ZBTB5: variants seen among roughly 807,000 people sequenced by gnomAD.
ZBTB5 encodes zinc finger and BTB domain containing 5.
ZBTB5 carries 15 observed loss-of-function variants against 37.9 expected under a neutral mutation model. The ratio of observed to expected loss-of-function variants is 0.40; its 90% CI spans 0.26 to 0.61. ZBTB5 has a LOEUF of 0.61. Ranked by LOEUF, ZBTB5 falls within the 20% of genes least tolerant of loss-of-function variation. The pLI is 0.47. For synonymous variants in ZBTB5, 315 were observed against 312.4 expected (o/e 1.01, Z -0.09); for missense variants, 708 against 856.8 (o/e 0.83, Z 2.17).
chr9:37,456,139 G>A (rs1042006974), intron 1 of ZBTB5, among the ~76,000 whole-genome samples: 9 of 151,584 alleles, frequency 5.9e-5, no homozygotes, highest in Non-Finnish European at 1.2e-4. Flanking sequence ...TTTGTAGATA[G>A]GGGGTTTTGC....
At chr9:37,448,727 A>G (rs1171176075) in intron 1 of ZBTB5, among the ~76,000 whole-genome samples, 1 of 152,228 alleles carries the variant, frequency 6.6e-6, no homozygotes, top group Non-Finnish European at 1.5e-5. Context: ...ATTTAAAACT[A>G]TTTGTCAACT....
chr9:37,451,944 A>G (rs1824112348), intron 1 of ZBTB5, among the ~76,000 whole-genome samples: 1 of 152,230 alleles, frequency 6.6e-6, no homozygotes, highest in Non-Finnish European at 1.5e-5. Context: ...GAGGTTCACA[A>G]TAGTGATGTT....
intron 1 of ZBTB5, among the ~76,000 whole-genome samples, chr9:37,444,356 A>G (rs889866169): frequency 1.4e-4 from 21 of 151,850 alleles, no homozygotes; most frequent in Non-Finnish European, 2.6e-4. Flanking sequence ...ACGCCACCAC[A>G]CCCGGCTAAT....
chr9:37,448,750 G>GT (rs770720413), intron 1 of ZBTB5, among the ~76,000 whole-genome samples: 1 of 152,210 alleles, frequency 6.6e-6, no homozygotes, highest in Non-Finnish European at 1.5e-5. Context: ...TTTAAAAATA[G>GT]TAATAAACGA....
At position 37,440,336 on chromosome 9, in the gene ZBTB5, C is replaced by T. The variant is rs143603489; in HGVS notation, c.*182G>A. The T allele has an allele frequency of 1.5e-5, 9 of 594,554 alleles. No individual in the cohort carries two copies. The highest frequency in any genetic ancestry group is 2.2e-5 in the South Asian group (1 of 45,530). The allele number at this position is 594,554 out of a possible 1,614,324, so 36.8% of individuals were successfully genotyped here. On this transcript the variant is annotated 3_prime_UTR_variant, in exon 2 of 2. Coordinates refer to ENST00000307750, the MANE Select transcript of ZBTB5 (RefSeq NM_014872.3). ...CAGGGATTGCATCCCTTTCCCAAGA[C>T]GTGCACTTCACTCAGAAATGCAGCA... is the stretch of plus-strand genomic sequence containing the variant.
In ZBTB5 at chr9:37,440,855, C is replaced by T. The variant is rs761785713; in HGVS notation, c.1697G>A (p.Gly566Glu). 14 of 1,614,074 alleles carry T rather than the reference C, an allele frequency of 8.7e-6. No individual in the cohort carries two copies. Among genetic ancestry groups the T allele is most frequent in the Admixed American group, 6.7e-5 (4 of 59,986 alleles). ...NSTSSQLMMN[G>E]ATSSFENGHP... ...GCCATTTTCAAATGAGGACGTAGCT[C>T]CATTCATCATTAGCTGAGAACTGGT... The change falls in exon 2 of 2, where the codon GGA becomes GAA. Residue 566 changes from glycine to glutamate, a missense_variant. Physicochemically the swap from Gly to Glu is moderately conservative, Grantham distance 98. Around this residue, in one of 3 missense-constraint regions of ZBTB5, gnomAD observed 639 missense variants for 690.5 expected, o/e 0.93. Transcript: ENST00000307750.
intron 1 of ZBTB5, among the ~76,000 whole-genome samples, chr9:37,460,088 C>T (rs1048447709): frequency 6.9e-6 from 1 of 145,486 alleles, no homozygotes; most frequent in Non-Finnish European, 1.5e-5. Flanking sequence ...TTGTGATCTG[C>T]CTACCTCAGC....
intron 1 of ZBTB5, among the ~76,000 whole-genome samples, chr9:37,450,294 C>T (rs954489134): frequency 4.6e-5 from 7 of 151,958 alleles, no homozygotes; most frequent in Non-Finnish European, 8.8e-5. Context: ...GTATTTACCC[C>T]AGACAACGAA....
Position 37,441,021 on chromosome 9 carries a change from A to T in ZBTB5, c.1531T>A (p.Leu511Met). ...CTGGAGAAGGAGGAGTGGAGGCCCA[A>T]ACCAGACCTGGAAAAGTCCATCCCA... is the stretch of plus-strand genomic sequence containing the variant. ...QFGMDFSRSGLGLHSSFSRVM... is the reference protein window; with the variant it reads ...QFGMDFSRSGMGLHSSFSRVM... Residue 511 changes from leucine (L) to methionine (M), a missense_variant, in exon 2 of 2, where the codon TTG becomes ATG. By Grantham distance (15) the Leu-to-Met change is conservative. Transcript: ENST00000307750. 6.2e-7 allele frequency: 1 copy of T among 1,614,180 alleles called. No individual in the cohort carries two copies. Among genetic ancestry groups the T allele is most frequent in the East Asian group, 2.2e-5 (1 of 44,880 alleles).
At chr9:37,449,000 C>T (rs150084460) in intron 1 of ZBTB5, among the ~76,000 whole-genome samples, 2,546 of 152,014 alleles carry the variant, frequency 0.017, 63 homozygotes, top group African/African-American at 0.059. Flanking sequence ...GCCAAGATCA[C>T]GCCACTGTAC....
At chr9:37,450,395 C>G (rs73646386) in intron 1 of ZBTB5, among the ~76,000 whole-genome samples, 1 of 151,772 alleles carries the variant, frequency 6.6e-6, no homozygotes, top group African/African-American at 2.4e-5. Flanking sequence ...GGGGCCCATA[C>G]AGGTCACTGG....
intron 1 of ZBTB5, among the ~76,000 whole-genome samples, chr9:37,452,053 C>T (rs1168872834): frequency 6.6e-6 from 1 of 152,158 alleles, no homozygotes; most frequent in Admixed American, 6.5e-5. Flanking sequence ...AACTTGGTGG[C>T]TGGTGGCCTT....
intron 1 of ZBTB5, among the ~76,000 whole-genome samples, chr9:37,452,382 T>C (rs926337192): frequency 1.3e-5 from 2 of 152,232 alleles, no homozygotes; most frequent in Non-Finnish European, 2.9e-5. Flanking sequence ...TCATTTTTGA[T>C]ATATGTTTTG....
intron 1 of ZBTB5, among the ~76,000 whole-genome samples, chr9:37,460,435 C>A (rs74667378): frequency 3.3e-5 from 5 of 150,344 alleles, no homozygotes; most frequent in East Asian, 2.0e-4. Context: ...AGTGAACACT[C>A]CCCCCCCAAA....
intron 1 of ZBTB5, among the ~76,000 whole-genome samples, chr9:37,457,461 C>T (rs758851140): frequency 5.9e-5 from 9 of 152,192 alleles, no homozygotes; most frequent in Non-Finnish European, 1.3e-4. Flanking sequence ...AACTCCTGGG[C>T]TCAGGTATTC....
intron 1 of ZBTB5, among the ~76,000 whole-genome samples, chr9:37,446,424 G>A (rs1382129791): frequency 1.3e-5 from 2 of 152,204 alleles, no homozygotes; most frequent in Non-Finnish European, 2.9e-5. Context: ...ATGCTATTCA[G>A]CTATACTTGG....
At chr9:37,460,351 G>A (rs965688812) in intron 1 of ZBTB5, among the ~76,000 whole-genome samples, 3 of 151,730 alleles carry the variant, frequency 2.0e-5, no homozygotes, top group South Asian at 4.2e-4. Context: ...CAGGAGAATC[G>A]CTTGAACCCG....
Position 37,439,067 on chromosome 9 carries a change from T to TAAGAA in ZBTB5, c.*1446_*1450dup, listed in dbSNP as rs1344717702. 1 of 152,196 alleles carries TAAGAA rather than the reference T, an allele frequency of 6.6e-6. No homozygotes were observed. Among genetic ancestry groups the TAAGAA allele is most frequent in the African/African-American group, 2.4e-5 (1 of 41,460 alleles). 9.4% of individuals were successfully genotyped at this position (152,196 alleles called of 1,614,324 possible). ...TTTATGAATGATGGTTTGGTATGTC[T>TAAGAA]AAGAAAGCTATATAAAACATAAAAT... On this transcript the variant is annotated 3_prime_UTR_variant, in exon 2 of 2. Coordinates refer to ENST00000307750, the MANE Select transcript of ZBTB5 (RefSeq NM_014872.3).
Position 37,439,825 on chromosome 9 carries a change from C to T in ZBTB5, c.*693G>A, listed in dbSNP as rs926011380. Reference sequence around the variant, plus strand: ...TGTCACTCTCTACAAGTACACACTCCATTTACAATTTGGTTTTTAAACCAG... The same window carrying T: ...TGTCACTCTCTACAAGTACACACTCTATTTACAATTTGGTTTTTAAACCAG... On this transcript the variant is annotated 3_prime_UTR_variant, in exon 2 of 2. Coordinates refer to ENST00000307750, the MANE Select transcript of ZBTB5 (RefSeq NM_014872.3). 4 of 152,618 alleles carry T rather than the reference C, an allele frequency of 2.6e-5. No homozygotes were observed. The highest frequency in any genetic ancestry group is 9.7e-5 in the African/African-American group (4 of 41,444). 9.5% of individuals were successfully genotyped at this position (152,618 alleles called of 1,614,324 possible). A position where few individuals can be genotyped will look rare whatever the true frequency, so the allele number is the denominator to read the frequency against.
Sources: allele counts gnomAD v4.1 joint callset (sites outside exome capture counted in the v4.1 genomes callset), GRCh38; gene constraint gnomAD v4.1.1; regional missense constraint gnomAD v4.1.1; transcripts MANE v1.5; gene names NCBI Gene and HGNC (gene_info 2026-07-23, HGNC 2026-07-21).